SLC35F3: variants seen among roughly 807,000 people sequenced by gnomAD.
SLC35F3 encodes the protein putative thiamine transporter SLC35F3.
SLC35F3 carries 25 observed loss-of-function variants against 49.9 expected under a neutral mutation model. The observed-to-expected ratio is 0.50, with a 90% confidence interval of 0.37 to 0.70. SLC35F3 has a LOEUF of 0.70. SLC35F3 is among the 30% of genes least tolerant of loss of function. The probability of loss-of-function intolerance (pLI) is 0.00; values close to 1 mark genes in which losing one functional copy is unlikely to be tolerated. For missense variants in SLC35F3, 525 were observed against 639.8 expected (o/e 0.82, Z 1.94); for synonymous variants, 275 against 265.4 (o/e 1.04, Z -0.35).
At chr1:234,285,645 CT>C (rs774826218) in intron 3 of SLC35F3, 1 of 214,560 alleles carries the variant, frequency 4.7e-6, no homozygotes, top group African/African-American at 2.4e-5. Context: ...TAATTGGAGA[CT>C]TTTTCTTAAA....
At chr1:234,090,098 G>A (rs372963527) in intron 2 of SLC35F3, among the ~76,000 whole-genome samples, 2 of 152,370 alleles carry the variant, frequency 1.3e-5, no homozygotes, top group African/African-American at 4.8e-5. Context: ...GTGACAATTT[G>A]GCAATGTGCT....
chr1:234,067,295 C>T (rs1000878734), intron 2 of SLC35F3, among the ~76,000 whole-genome samples: 10 of 152,170 alleles, frequency 6.6e-5, no homozygotes, highest in African/African-American at 2.4e-4. Flanking sequence ...CTTTAGCATA[C>T]TCGCCTCTAG....
chr1:234,211,892 A>T (rs755145870), intron 2 of SLC35F3, among the ~76,000 whole-genome samples: 2 of 152,200 alleles, frequency 1.3e-5, no homozygotes, highest in African/African-American at 2.4e-5. Context: ...ATGGTTTGGC[A>T]GTGTCCCCAC....
At chr1:234,289,944 T>C (rs1668480847) in intron 3 of SLC35F3, among the ~76,000 whole-genome samples, 1 of 152,138 alleles carries the variant, frequency 6.6e-6, no homozygotes, top group South Asian at 2.1e-4. Flanking sequence ...CCAAAAGAGC[T>C]TTATTAATAG....
At chr1:234,165,153 G>T (rs533960898) in intron 2 of SLC35F3, among the ~76,000 whole-genome samples, 21 of 151,634 alleles carry the variant, frequency 1.4e-4, no homozygotes, top group South Asian at 8.3e-4. Flanking sequence ...TATATATAGC[G>T]TATATATAGC....
chr1:234,022,447 T>G (rs1287901047), intron 2 of SLC35F3, among the ~76,000 whole-genome samples: 1 of 133,042 alleles, frequency 7.5e-6, no homozygotes, highest in Non-Finnish European at 1.6e-5. Flanking sequence ...CAGAATTCCC[T>G]CTTCCTTTGG....
At chr1:234,247,083 G>T (rs1180065462) in intron 3 of SLC35F3, among the ~76,000 whole-genome samples, 1 of 152,202 alleles carries the variant, frequency 6.6e-6, no homozygotes, top group Non-Finnish European at 1.5e-5. Flanking sequence ...AACCAAACAG[G>T]TGGGAGCTTG....
At chr1:234,018,315 A>G (rs1466015723) in intron 2 of SLC35F3, among the ~76,000 whole-genome samples, 1 of 152,206 alleles carries the variant, frequency 6.6e-6, no homozygotes, top group African/African-American at 2.4e-5. Context: ...CCTAGAAGAA[A>G]GGCAATGATG....
At chr1:234,052,546 T>C (rs1388287987) in intron 2 of SLC35F3, among the ~76,000 whole-genome samples, 2 of 152,170 alleles carry the variant, frequency 1.3e-5, no homozygotes, top group Non-Finnish European at 2.9e-5. Context: ...TTATTAGTCT[T>C]ACTAGCGTTC....
intron 3 of SLC35F3, chr1:234,285,222 A>G (rs1213961500): frequency 4.8e-6 from 2 of 413,746 alleles, no homozygotes; most frequent in African/African-American, 4.1e-5. Flanking sequence ...GATCAAGGAC[A>G]TTTCACTGGG....
chr1:234,194,594 G>A (rs1331128092), intron 2 of SLC35F3, among the ~76,000 whole-genome samples: 1 of 149,966 alleles, frequency 6.7e-6, no homozygotes, highest in Non-Finnish European at 1.5e-5. Flanking sequence ...CAAACCTATG[G>A]AAATTTTTTA....
rs899551114 is a variant in SLC35F3, at chr1:233,905,403, C to T, written c.54-126C>T. The T allele has an allele frequency of 7.8e-6, 6 of 769,222 alleles. No individual in the cohort carries two copies. In the African/African-American group the frequency reaches 1.1e-4, roughly 13 times the overall value. The allele number at this position is 769,222 out of a possible 1,614,324, so 47.6% of individuals were successfully genotyped here. ...GGGAGGAGCGCGGGCTCTGCCGCGG[C>T]GCTCGCCCCCGGAGGGCCCCGGCCG... On this transcript the variant is annotated intron_variant, in intron 1 of 7. Coordinates refer to ENST00000366618, the MANE Select transcript of SLC35F3 (RefSeq NM_173508.4).
chr1:233,941,659 G>A (rs775045169), intron 2 of SLC35F3, among the ~76,000 whole-genome samples: 31 of 152,156 alleles, frequency 2.0e-4, no homozygotes, highest in Non-Finnish European at 3.4e-4. Flanking sequence ...CCGATGATCA[G>A]GGAACTCTGT....
At chr1:233,972,047 C>T (rs1322056206) in intron 2 of SLC35F3, among the ~76,000 whole-genome samples, 1 of 152,246 alleles carries the variant, frequency 6.6e-6, no homozygotes, top group African/African-American at 2.4e-5. Flanking sequence ...CTGTCACTCC[C>T]CTTTCACCCA....
chr1:233,969,070 G>GC (rs1553292584), intron 2 of SLC35F3, among the ~76,000 whole-genome samples: 1 of 146,178 alleles, frequency 6.8e-6, no homozygotes, highest in Non-Finnish European at 1.5e-5. Context: ...TGGGGGGGGG[G>GC]ACACAATTCA....
chr1:233,980,070 C>T (rs1036891296), intron 2 of SLC35F3, among the ~76,000 whole-genome samples: 8 of 152,292 alleles, frequency 5.3e-5, no homozygotes, highest in Admixed American at 2.0e-4. Context: ...TCCCACTATG[C>T]GTGTTGTGTG....
At chr1:234,043,313 G>A (rs1373558943) in intron 2 of SLC35F3, among the ~76,000 whole-genome samples, 1 of 152,080 alleles carries the variant, frequency 6.6e-6, no homozygotes, top group Non-Finnish European at 1.5e-5. Flanking sequence ...TTCTGTTAAT[G>A]CTCATTATAA....
intron 2 of SLC35F3, among the ~76,000 whole-genome samples, chr1:234,195,799 C>T (rs1049410126): frequency 2.0e-5 from 3 of 152,210 alleles, no homozygotes; most frequent in South Asian, 4.2e-4. Context: ...ATCATGGGGG[C>T]GGTTTCCCCC....
At chr1:234,279,179 C>T (rs1217576680) in intron 3 of SLC35F3, among the ~76,000 whole-genome samples, 5 of 152,118 alleles carry the variant, frequency 3.3e-5, no homozygotes, top group African/African-American at 1.2e-4. Context: ...GAGGGGACTT[C>T]CAGGTCATAG....
Sources: allele counts gnomAD v4.1 joint callset (sites outside exome capture counted in the v4.1 genomes callset), GRCh38; gene constraint gnomAD v4.1.1; transcripts MANE v1.5; gene names NCBI Gene and HGNC (gene_info 2026-07-23, HGNC 2026-07-21).